Variants in PPFIBP2 observed in about 807,000 individuals in gnomAD.
PPFIBP2 encodes PPFIB scaffold protein 2.
A neutral mutation model predicts 118.3 loss-of-function variants in PPFIBP2; 118 were observed. The observed-to-expected ratio is 1.00, with a 90% CI of 0.86 to 1.16. The LOEUF (loss-of-function observed/expected upper bound fraction) is 1.16, where lower values mean the gene tolerates loss of function less well. Ranked by LOEUF, PPFIBP2 falls within the 50% of genes most tolerant of loss-of-function variation. PPFIBP2 has a pLI of 0.00. For missense variants in PPFIBP2, 1,195 were observed against 1,073.1 expected (o/e 1.11, Z -1.59); for synonymous variants, 414 against 397.4 (o/e 1.04, Z -0.50).
downstream of PPFIBP2, chr11:7,653,858 G>A: frequency 9.0e-7 from 1 of 1,113,826 alleles, no homozygotes; most frequent in Admixed American, 3.7e-5. Flanking sequence ...CGGTGGCACT[G>A]AGCCTAGTCC....
intron 7 of PPFIBP2, among the ~76,000 whole-genome samples, chr11:7,622,911 C>G (rs567201214): frequency 1.1e-4 from 17 of 152,328 alleles, no homozygotes; most frequent in African/African-American, 3.8e-4. Flanking sequence ...TTTGTCTTGG[C>G]ATGTAGACCT....
At chr11:7,532,849 G>A (rs1326753093) in intron 1 of PPFIBP2, among the ~76,000 whole-genome samples, 2 of 152,206 alleles carry the variant, frequency 1.3e-5, no homozygotes, top group East Asian at 3.8e-4. Context: ...TTCAACAAAT[G>A]TTGAAATGAA....
intron 6 of PPFIBP2, among the ~76,000 whole-genome samples, chr11:7,619,291 C>G (rs535287756): frequency 1.3e-5 from 2 of 152,142 alleles, no homozygotes; most frequent in African/African-American, 4.8e-5. Flanking sequence ...TAGCTTTACT[C>G]AGGGAGACCT....
intron 2 of PPFIBP2, among the ~76,000 whole-genome samples, chr11:7,562,736 T>C (rs975885851): frequency 2.0e-5 from 3 of 151,942 alleles, no homozygotes; most frequent in African/African-American, 7.3e-5. Context: ...TTTTCTGCCC[T>C]GTAACCTTAT....
At chr11:7,592,880 C>T (rs1859590515) in intron 3 of PPFIBP2, among the ~76,000 whole-genome samples, 1 of 152,184 alleles carries the variant, frequency 6.6e-6, no homozygotes, top group Non-Finnish European at 1.5e-5. Flanking sequence ...CACAGAGGCC[C>T]TCCTGGCCAG....
chr11:7,648,462 G>T lies in PPFIBP2; in HGVS notation c.1722G>T (p.Gln574His). Reference sequence around the variant, plus strand: ...GGCTGGAGGACTTTGGCCTGGCTCAGTATGTGATCTTTGCCAGGCAGTGGG... The same window carrying T: ...GGCTGGAGGACTTTGGCCTGGCTCATTATGTGATCTTTGCCAGGCAGTGGG... Reference protein sequence around the residue: ...CAWLEDFGLAQYVIFARQWVS... With the variant: ...CAWLEDFGLAHYVIFARQWVS... The change falls in exon 18 of 24, where the codon CAG becomes CAT. Residue 574 changes from glutamine to histidine, a missense_variant. By Grantham distance (24) the Gln-to-His change is conservative. Transcript: ENST00000299492. The T allele has an allele frequency of 6.2e-7, 1 of 1,614,140 alleles. No homozygotes were observed. The highest frequency in any genetic ancestry group is 8.5e-7 in the Non-Finnish European group (1 of 1,180,032).
At chr11:7,660,585 C>G (rs892776458), downstream of PPFIBP2, among the ~76,000 whole-genome samples, 36 of 150,554 alleles carry the variant, frequency 2.4e-4, no homozygotes, top group African/African-American at 8.3e-4. Flanking sequence ...CAATGTTCAT[C>G]AAGGATATTG....
At chr11:7,529,613 G>T (rs1260175613) in intron 1 of PPFIBP2, among the ~76,000 whole-genome samples, 10 of 152,180 alleles carry the variant, frequency 6.6e-5, no homozygotes, top group Admixed American at 6.5e-4. Flanking sequence ...AGCCATGAAC[G>T]TGGTCAAGAC....
downstream of PPFIBP2, among the ~76,000 whole-genome samples, chr11:7,657,674 A>C (rs537233210): frequency 6.6e-6 from 1 of 152,046 alleles, no homozygotes; most frequent in East Asian, 1.9e-4. Context: ...CCCTTCCCTC[A>C]CTAGGGAATG....
chr11:7,531,119 C>G (rs1395467962), intron 1 of PPFIBP2, among the ~76,000 whole-genome samples: 1 of 152,140 alleles, frequency 6.6e-6, no homozygotes, highest in African/African-American at 2.4e-5. Context: ...TCCAGCAGGC[C>G]TGTCTTTGGC....
At chr11:7,657,406 C>T (rs759850673), downstream of PPFIBP2, among the ~76,000 whole-genome samples, 4 of 152,096 alleles carry the variant, frequency 2.6e-5, no homozygotes, top group African/African-American at 7.2e-5. Context: ...GGTATCTGTG[C>T]GACTCCCAGC....
At chr11:7,549,323 A>T (rs1852684983) in intron 1 of PPFIBP2, 117 bp from the exon 2 acceptor site, 1 of 899,582 alleles carries the variant, frequency 1.1e-6, no homozygotes, top group Non-Finnish European at 1.7e-6. Flanking sequence ...CATGTCGGCT[A>T]CTATGATTCT....
intron 21 of PPFIBP2, 94 bp from the exon 22 acceptor site, chr11:7,650,746 C>A: frequency 1.4e-6 from 2 of 1,415,808 alleles, no homozygotes; most frequent in South Asian, 2.9e-5. Context: ...TGTGATGCGT[C>A]TGGGGCAGGG....
In PPFIBP2 at chr11:7,641,501, C is replaced by G. The variant is rs4643071; in HGVS notation, c.1398C>G (p.Asp466Glu). The part of the protein sequence containing the change: ...LRLRDTESGW[D>E]DTAVVNDLSS... ...CAGGAGACACAGAAAGTGGCTGGGACGACACTGCTGTGGTCAATGACCTCT... is the reference window on the plus strand; with the variant it reads ...CAGGAGACACAGAAAGTGGCTGGGAGGACACTGCTGTGGTCAATGACCTCT... The change falls in exon 16 of 24, where the codon GAC becomes GAG. Residue 466 changes from aspartate to glutamate, a missense_variant. Asp to Glu is a conservative substitution (Grantham distance 45). Coordinates refer to ENST00000299492, the MANE Select transcript of PPFIBP2 (RefSeq NM_003621.5). The G allele has an allele frequency of 1.2e-6, 2 of 1,613,718 alleles. No individual in the cohort carries two copies.
At chr11:7,637,490 G>A (rs779956468) in intron 14 of PPFIBP2, among the ~76,000 whole-genome samples, 15 of 152,220 alleles carry the variant, frequency 9.9e-5, no homozygotes, top group East Asian at 5.8e-4. Flanking sequence ...CCTGAGAGGT[G>A]GAAGAGAAAC....
intron 7 of PPFIBP2, among the ~76,000 whole-genome samples, chr11:7,624,395 A>G (rs1207339161): frequency 1.3e-5 from 2 of 152,262 alleles, no homozygotes; most frequent in African/African-American, 4.8e-5. Context: ...GGGGCTGATC[A>G]GGGTGCGTGC....
chr11:7,540,438 T>C (rs906866650), intron 1 of PPFIBP2, among the ~76,000 whole-genome samples: 2 of 151,782 alleles, frequency 1.3e-5, no homozygotes, highest in Non-Finnish European at 2.9e-5. Flanking sequence ...GACTCCCAGG[T>C]TTTTATCTTG....
intron 3 of PPFIBP2, among the ~76,000 whole-genome samples, chr11:7,589,775 A>G (rs1858905078): frequency 1.3e-5 from 2 of 152,318 alleles, no homozygotes; most frequent in South Asian, 4.1e-4. Flanking sequence ...CATGGACAAG[A>G]CTTTTCAGAG....
At chr11:7,619,349 A>T (rs1226810813) in intron 6 of PPFIBP2, among the ~76,000 whole-genome samples, 2 of 152,198 alleles carry the variant, frequency 1.3e-5, no homozygotes, top group African/African-American at 4.8e-5. Context: ...GACAGAGGGA[A>T]TGTTGTCTGC....
Sources: allele counts gnomAD v4.1 joint callset (sites outside exome capture counted in the v4.1 genomes callset), GRCh38; gene constraint gnomAD v4.1.1; transcripts MANE v1.5; gene names NCBI Gene and HGNC (gene_info 2026-07-23, HGNC 2026-07-21).